Variants in ANKRD33 observed in about 807,000 individuals in gnomAD.
ANKRD33 encodes photoreceptor ankyrin repeat protein.
Under a neutral mutation model 20.6 loss-of-function variants are expected in ANKRD33, and 20 were observed. The ratio of observed to expected loss-of-function variants is 0.97; its 90% confidence interval spans 0.68 to 1.41. The LOEUF is 1.41. Among genes scored for constraint, ANKRD33 ranks in the 40% most tolerant of loss-of-function variants. The pLI is 0.00. For synonymous variants in ANKRD33, 246 were observed against 245.0 expected (o/e 1.00, Z -0.04); for missense variants, 545 against 579.6 (o/e 0.94, Z 0.61).
chr12:51,888,317 C>G lies in ANKRD33; in HGVS notation c.131C>G (p.Thr44Ser), dbSNP rs1940289665. 1 of 1,614,138 alleles carries G rather than the reference C, an allele frequency of 6.2e-7. No individual in the cohort carries two copies. The highest frequency in any genetic ancestry group is 8.5e-7 in the Non-Finnish European group (1 of 1,180,008). ...CCCCGCGTTGACTGCCTCATAGATA[C>G]CCTACGAACCCCAAGTAAGAAAAAA... is the stretch of plus-strand genomic sequence containing the variant. ...AVPRVDCLID[T>S]LRTPNASCMR... The change falls in exon 1 of 5, where the codon ACC becomes AGC. Residue 44 changes from threonine to serine, a missense_variant. Coordinates refer to ENST00000301190, the MANE Select transcript of ANKRD33 (RefSeq NM_182608.4).
intron 4 of ANKRD33, chr12:51,890,187 G>A (rs1940367642): frequency 2.7e-6 from 1 of 372,938 alleles, no homozygotes; most frequent in African/African-American, 2.1e-5. Context: ...ACCCCAAGAT[G>A]GGAGAGGGAG....
Position 51,891,610 on chromosome 12 carries a change from T to G in ANKRD33, c.*305T>G. On this transcript the variant is annotated 3_prime_UTR_variant, in exon 5 of 5. Transcript: ENST00000301190. ...TAAGGAAGCTGTTTATATTCTGATA[T>G]GAAACTACCATCAAGATGTATAAAG... is the stretch of plus-strand genomic sequence containing the variant. 2.6e-6 allele frequency: 1 copy of G among 389,460 alleles called. No individual in the cohort carries two copies. The highest frequency in any genetic ancestry group is 5.7e-5 in the South Asian group (1 of 17,406). The allele number at this position is 389,460 out of a possible 1,614,324, so 24.1% of individuals were successfully genotyped here.
At chr12:51,888,444 G>A in intron 1 of ANKRD33, 113 bp downstream of exon 1, 1 of 1,574,440 alleles carries the variant, frequency 6.4e-7, no homozygotes, top group South Asian at 1.1e-5. Flanking sequence ...CAGGGTGGAT[G>A]GGGCGAGACC....
At chr12:51,889,761 C>T in intron 4 of ANKRD33, 1 of 551,960 alleles carries the variant, frequency 1.8e-6, no homozygotes, top group East Asian at 3.5e-5. Context: ...GAACCTAGCC[C>T]AGCTGGAAAA....
In ANKRD33 at chr12:51,891,265, A is replaced by G; in HGVS notation, c.1319A>G (p.Lys440Arg). Residue 440 changes from lysine to arginine, a missense_variant, in exon 5 of 5, where the codon AAG becomes AGG. Lys to Arg is a conservative substitution (Grantham distance 26, BLOSUM62 2). Transcript: ENST00000301190. ...CGATACCAGGAGCTCAGGATAGAGAAGAGGAAACAGGAGGAGGAGGCCAGA... is the reference window on the plus strand; with the variant it reads ...CGATACCAGGAGCTCAGGATAGAGAGGAGGAAACAGGAGGAGGAGGCCAGA... ...LWRYQELRIE[K>R]RKQEEEARMA... The G allele has an allele frequency of 6.2e-7, 1 of 1,614,218 alleles. No individual in the cohort carries two copies. Among genetic ancestry groups the G allele is most frequent in the Non-Finnish European group, 8.5e-7 (1 of 1,180,026 alleles).
chr12:51,889,006 T>A (rs1192385043), intron 2 of ANKRD33, 61 bp from the exon 3 acceptor site: 2 of 1,609,286 alleles, frequency 1.2e-6, no homozygotes, highest in Non-Finnish European at 1.7e-6. Flanking sequence ...GTTTAGAGGG[T>A]GCAAGGGGCC....
chr12:51,888,297 C>T lies in ANKRD33; in HGVS notation c.111C>T (p.Arg37=), dbSNP rs762980054. The stretch of plus-strand genomic sequence containing the variant: ...TCCGCGGAGCCTGGGCTGTGCCCCG[C>T]GTTGACTGCCTCATAGATACCCTAC... ...IVLRGAWAVP[R]VDCLIDTLRT... is the part of the protein sequence containing the mutation. The change falls in exon 1 of 5, where the codon CGC becomes CGT. Residue 37 remains arginine (R), a synonymous_variant. Coordinates refer to ENST00000301190, the MANE Select transcript of ANKRD33 (RefSeq NM_182608.4). 1 of 1,612,408 alleles carries T rather than the reference C, an allele frequency of 6.2e-7. No individual in the cohort carries two copies. Among genetic ancestry groups the T allele is most frequent in the Non-Finnish European group, 8.5e-7 (1 of 1,179,226 alleles).
chr12:51,888,903 T>C, intron 2 of ANKRD33, 85 bp downstream of exon 2: 1 of 1,594,414 alleles, frequency 6.3e-7, no homozygotes. Context: ...TGAGAGGGGT[T>C]CAGGGGCAAT....
chr12:51,891,062 C>G lies in ANKRD33; in HGVS notation c.1116C>G (p.Pro372=). 1 of 1,614,072 alleles carries G rather than the reference C, an allele frequency of 6.2e-7. No homozygotes were observed. The highest frequency in any genetic ancestry group is 2.2e-5 in the East Asian group (1 of 44,892). Residue 372 remains proline (P), a synonymous_variant, in exon 5 of 5, where the codon CCC becomes CCG. Transcript: ENST00000301190. ...SPQRSPWVFV[P]YQSPQGILSK... ...AGAGGTCCCCGTGGGTCTTCGTCCC[C>G]TACCAGAGCCCTCAGGGCATATTGA...
Position 51,891,474 on chromosome 12 carries a change from G to C in ANKRD33, c.*169G>C. 2.5e-6 allele frequency: 3 copies of C among 1,201,656 alleles called. No individual in the cohort carries two copies. The highest frequency in any genetic ancestry group is 3.4e-6 in the Non-Finnish European group (3 of 887,382). 74.4% of individuals were successfully genotyped at this position (1,201,656 alleles called of 1,614,324 possible). On this transcript the variant is annotated 3_prime_UTR_variant, in exon 5 of 5. Coordinates refer to ENST00000301190, the MANE Select transcript of ANKRD33 (RefSeq NM_182608.4). ...TCTAGCATTGTTTGCAAGAGTGAAAGAGTGGAAACACCCGAAGTGTCCATC... is the reference window on the plus strand; with the variant it reads ...TCTAGCATTGTTTGCAAGAGTGAAACAGTGGAAACACCCGAAGTGTCCATC...
intron 3 of ANKRD33, 30 bp downstream of exon 3, chr12:51,889,226 A>G (rs767465250): frequency 1.9e-6 from 3 of 1,613,818 alleles, no homozygotes; most frequent in Non-Finnish European, 2.5e-6. Context: ...CACTTCCGAC[A>G]GCCCCCTTTT....
In ANKRD33 at chr12:51,891,001, C is replaced by G. The variant is rs1252300624; in HGVS notation, c.1055C>G (p.Pro352Arg). ...GAGCTGTTAGGTACTGCCCCGCCCC[C>G]TCCCCTGGTTCCCCAGTCCCCGCCA... is the stretch of plus-strand genomic sequence containing the variant. ...VPELLGTAPP[P>R]PLVPQSPPGS... Residue 352 changes from proline to arginine, a missense_variant, in exon 5 of 5, where the codon CCT (proline) becomes CGT (arginine). By Grantham distance (103) the Pro-to-Arg change is moderately radical (BLOSUM62 -2). Coordinates refer to ENST00000301190, the MANE Select transcript of ANKRD33 (RefSeq NM_182608.4). 3.1e-6 allele frequency: 5 copies of G among 1,613,666 alleles called. No homozygotes were observed. In the East Asian group the frequency reaches 6.7e-5, roughly 22 times the overall value.
rs779120061 is a variant in ANKRD33 at position 51,890,696 on chromosome 12, C to T, written c.750C>T (p.Pro250=). The T allele has an allele frequency of 8.1e-6, 13 of 1,604,442 alleles. No individual in the cohort carries two copies. The highest frequency in any genetic ancestry group is 1.7e-6 in the Non-Finnish European group (2 of 1,179,968). ...GGATTCGGCAGCTGCTGAGGCGGCC[C>T]CAAGTGGAGCAGCTTAGCCAGCACT... The part of the protein sequence containing the change: ...VWRIRQLLRR[P]QVEQLSQHYK... The change falls in exon 5 of 5, where the codon CCC becomes CCT. Residue 250 remains proline (P), a synonymous_variant. Transcript: ENST00000301190.
chr12:51,889,023 T>C, intron 2 of ANKRD33, 44 bp from the exon 3 acceptor site: 1 of 1,612,534 alleles, frequency 6.2e-7, no homozygotes, highest in South Asian at 1.1e-5. Flanking sequence ...GGCCCTGGAG[T>C]GGCCCAGGGG....
In ANKRD33 at chr12:51,891,423, A is replaced by G. The variant is rs904228308; in HGVS notation, c.*118A>G. ...CTCTGCCTAAGTAAATCTGCTCTCA[A>G]CCTATATATATACAAGGTCATTCAT... On this transcript the variant is annotated 3_prime_UTR_variant, in exon 5 of 5. Transcript: ENST00000301190. 4.8e-5 allele frequency: 66 copies of G among 1,375,242 alleles called. No homozygotes were observed. The highest frequency in any genetic ancestry group is 1.9e-4 in the Admixed American group (7 of 36,902). 85.2% of individuals were successfully genotyped at this position (1,375,242 alleles called of 1,614,324 possible).
rs141998598 is a variant in ANKRD33, at chr12:51,889,093, C to T, written c.423C>T (p.His141=). The T allele has an allele frequency of 2.0e-3, 3,309 of 1,614,170 alleles. 8 individuals are homozygous for T. The highest frequency in any genetic ancestry group is 2.6e-3 in the Non-Finnish European group (3,017 of 1,180,000). The change falls in exon 3 of 5, where the codon CAC becomes CAT. Residue 141 remains histidine (H), a synonymous_variant. Transcript: ENST00000301190. ...CAGGCCTCATGGTCGCATGCTACCA[C>T]GGCTTCCAGAGTGTTGTGGCCCTGC... ...GRTGLMVACY[H]GFQSVVALLS...
chr12:51,888,302 AC>A lies in ANKRD33; in HGVS notation c.117del (p.Cys40AlafsTer3). 3 of 1,613,878 alleles carry A rather than the reference AC, an allele frequency of 1.9e-6. No homozygotes were observed. Among genetic ancestry groups the A allele is most frequent in the Non-Finnish European group, 8.5e-7 (1 of 1,179,918 alleles). On this transcript the variant is annotated frameshift_variant, in exon 1 of 5. Coordinates refer to ENST00000301190, the MANE Select transcript of ANKRD33 (RefSeq NM_182608.4). ...GGAGCCTGGGCTGTGCCCCGCGTTG[AC>A]TGCCTCATAGATACCCTACGAACCC... ...LRGAWAVPRV[D>X]CLIDTLRTPN...
intron 2 of ANKRD33, 56 bp from the exon 3 acceptor site, chr12:51,889,011 G>A (rs747114045): frequency 6.2e-7 from 1 of 1,611,184 alleles, no homozygotes; most frequent in Non-Finnish European, 8.5e-7. Flanking sequence ...GAGGGTGCAA[G>A]GGGCCCTGGA....
chr12:51,889,549 T>C, intron 4 of ANKRD33, 67 bp downstream of exon 4: 1 of 1,573,860 alleles, frequency 6.4e-7, no homozygotes, highest in South Asian at 1.2e-5. Context: ...TGGCCTCCAG[T>C]CCCTCCTCCA....
Sources: gnomAD v4.1 joint callset for allele counts on GRCh38, gnomAD v4.1.1 for gene constraint, MANE v1.5 for transcripts, NCBI Gene and HGNC (gene_info 2026-07-23, HGNC 2026-07-21) for gene names.